COL4A3: variants seen among roughly 807,000 people sequenced by gnomAD.
The protein encoded by COL4A3 is collagen type IV alpha 3 chain.
In COL4A3, 135 loss-of-function variants were observed where a neutral mutation model predicts 217.4. That is an observed-to-expected ratio of 0.62 (90% CI 0.54 to 0.72). The LOEUF (loss-of-function observed/expected upper bound fraction) is 0.72. Among genes scored for constraint, COL4A3 ranks in the 30% least tolerant of loss-of-function variants. The pLI is 0.00. For synonymous variants in COL4A3, 690 were observed against 736.3 expected, an observed-to-expected ratio of 0.94 and a Z score of 1.02; for missense variants, 1,868 against 2,119.9, an observed-to-expected ratio of 0.88 and a Z score of 2.33.
At chr2:227,217,370 C>T (rs565454205) in intron 1 of COL4A3, among the ~76,000 whole-genome samples, 22 of 152,334 alleles carry the variant, frequency 1.4e-4, no homozygotes, top group African/African-American at 4.8e-4. Context: ...TCTACATGGA[C>T]TTGTACCACC....
chr2:227,192,212 A>C (rs990275702), intron 1 of COL4A3, among the ~76,000 whole-genome samples: 1 of 152,030 alleles, frequency 6.6e-6, no homozygotes, highest in Admixed American at 6.5e-5. Flanking sequence ...CCAGGTTCTG[A>C]CTATCAATTT....
chr2:227,266,346 C>T, intron 21 of COL4A3, 71 bp from the exon 22 acceptor site: 2 of 1,110,840 alleles, frequency 1.8e-6, no homozygotes, highest in Non-Finnish European at 2.7e-6. Flanking sequence ...TTAAATAATA[C>T]ATATATTACA....
At chr2:227,244,283 C>T (rs114553880) in intron 3 of COL4A3, 37 bp from the exon 4 acceptor site, 1 of 1,601,038 alleles carries the variant, frequency 6.2e-7, no homozygotes, top group Non-Finnish European at 8.6e-7. Flanking sequence ...AAATAATTTT[C>T]AGAGTGTTTA....
intron 43 of COL4A3, among the ~76,000 whole-genome samples, chr2:227,302,533 C>T (rs1171746027): frequency 6.6e-6 from 1 of 151,726 alleles, no homozygotes; most frequent in Non-Finnish European, 1.5e-5. Flanking sequence ...AAAAATTAGC[C>T]AGGTGTGGTG....
intron 1 of COL4A3, among the ~76,000 whole-genome samples, chr2:227,202,665 G>T (rs1447815196): frequency 6.7e-6 from 1 of 149,516 alleles, no homozygotes; most frequent in Non-Finnish European, 1.5e-5. Context: ...AACCCGGGAG[G>T]CAGAGCTTGC....
chr2:227,195,595 T>C (rs1009789515), intron 1 of COL4A3, among the ~76,000 whole-genome samples: 79 of 152,130 alleles, frequency 5.2e-4, no homozygotes, highest in African/African-American at 1.9e-3. Context: ...TGACGATAAA[T>C]ATTTTACTAG....
intron 24 of COL4A3, among the ~76,000 whole-genome samples, chr2:227,270,444 T>C (rs571755845): frequency 1.3e-5 from 2 of 152,204 alleles, no homozygotes; most frequent in Non-Finnish European, 2.9e-5. Flanking sequence ...TAGATAAATA[T>C]ACTTAGATCA....
At chr2:227,262,828 C>A (rs1305214745) in intron 20 of COL4A3, among the ~76,000 whole-genome samples, 1 of 151,930 alleles carries the variant, frequency 6.6e-6, no homozygotes, top group Non-Finnish European at 1.5e-5. Flanking sequence ...TTAATGGGTA[C>A]AAGCATACAG....
intron 37 of COL4A3, among the ~76,000 whole-genome samples, chr2:227,292,195 T>G (rs2072784703): frequency 6.6e-6 from 1 of 152,286 alleles, no homozygotes; most frequent in East Asian, 1.9e-4. Flanking sequence ...ATACCACCTT[T>G]CCTAAATATT....
At chr2:227,220,604 C>A (rs1394676227) in intron 1 of COL4A3, among the ~76,000 whole-genome samples, 1 of 152,104 alleles carries the variant, frequency 6.6e-6, no homozygotes, top group Non-Finnish European at 1.5e-5. Flanking sequence ...GAACTACAGG[C>A]ACTCACCACC....
At chr2:227,300,196 G>A (rs1444573040) in intron 43 of COL4A3, among the ~76,000 whole-genome samples, 2 of 152,182 alleles carry the variant, frequency 1.3e-5, no homozygotes, top group South Asian at 2.1e-4. Context: ...CTAAAGGACA[G>A]AAGGGTCTAC....
rs777325543 is a variant in COL4A3, at chr2:227,303,027, T to C, written c.3883-11T>C. ...TTTGTTTTGGTTCTGCTCCCTTTAT[T>C]TGAAATATAGGGAGCACCAGGTACT... On this transcript the variant is annotated splice_polypyrimidine_tract_variant and intron_variant, in intron 43 of 51. Coordinates refer to ENST00000396578, the MANE Select transcript of COL4A3 (RefSeq NM_000091.5). The C allele has an allele frequency of 3.1e-6, 5 of 1,607,132 alleles. No homozygotes were observed. In the South Asian group the frequency reaches 4.4e-5, roughly 14 times the overall value.
chr2:227,312,693 C>T lies in COL4A3; in HGVS notation c.*823C>T, dbSNP rs573453597. 3 of 152,614 alleles carry T rather than the reference C, an allele frequency of 2.0e-5. No homozygotes were observed. The South Asian group carries it at 6.2e-4, about 32-fold the overall frequency. 9.5% of individuals were successfully genotyped at this position (152,614 alleles called of 1,614,324 possible). On this transcript the variant is annotated 3_prime_UTR_variant, in exon 52 of 52. Coordinates refer to ENST00000396578, the MANE Select transcript of COL4A3 (RefSeq NM_000091.5). ...ATGTATAACTTTAACTTCTGTTTTA[C>T]CAGCATACCCACACAAATAACAAGA... is the stretch of plus-strand genomic sequence containing the variant.
chr2:227,284,104 C>T, intron 33 of COL4A3, 107 bp from the exon 34 acceptor site: 2 of 1,478,908 alleles, frequency 1.4e-6, no homozygotes, highest in Non-Finnish European at 1.9e-6. Flanking sequence ...CACTGTTAGC[C>T]TTTTTTGTTT....
intron 2 of COL4A3, among the ~76,000 whole-genome samples, chr2:227,239,141 T>A (rs1427533206): frequency 2.0e-5 from 3 of 152,148 alleles, no homozygotes; most frequent in Non-Finnish European, 2.9e-5. Flanking sequence ...GCCCTCCTTA[T>A]CCACGGTTTC....
chr2:227,308,806 T>C (rs1318723357), intron 48 of COL4A3, 93 bp from the exon 49 acceptor site: 11 of 1,315,466 alleles, frequency 8.4e-6, no homozygotes, highest in Admixed American at 5.1e-5. Context: ...CAGCTTTTGC[T>C]GCAGGTTACA....
chr2:227,209,539 C>A (rs2067235012), intron 1 of COL4A3, among the ~76,000 whole-genome samples: 1 of 152,160 alleles, frequency 6.6e-6, no homozygotes, highest in African/African-American at 2.4e-5. Context: ...TGTGTTAGAA[C>A]ATTAAAAGAT....
chr2:227,170,477 C>A (rs1317802347), intron 1 of COL4A3, among the ~76,000 whole-genome samples: 1 of 152,086 alleles, frequency 6.6e-6, no homozygotes, highest in African/African-American at 2.4e-5. Context: ...TACATGGTGG[C>A]AGGCAAGAGG....
chr2:227,218,974 G>A (rs2067643819), intron 1 of COL4A3, among the ~76,000 whole-genome samples: 1 of 151,496 alleles, frequency 6.6e-6, no homozygotes, highest in Admixed American at 6.6e-5. Context: ...AGCCTAACAT[G>A]AAGTCTCTAT....
Sources: allele counts gnomAD v4.1 joint callset (sites outside exome capture counted in the v4.1 genomes callset), GRCh38; gene constraint gnomAD v4.1.1; transcripts MANE v1.5; gene names NCBI Gene and HGNC (gene_info 2026-07-23, HGNC 2026-07-21).